RARB: variants seen among roughly 807,000 people sequenced by gnomAD.
RARB encodes HBV-activated protein.
Under a neutral mutation model 51.9 loss-of-function variants are expected in RARB, and 17 were observed. That is an observed-to-expected ratio of 0.33 (90% confidence interval 0.22 to 0.49). The LOEUF (loss-of-function observed/expected upper bound fraction) is 0.49. Ranked by LOEUF, RARB falls within the 20% of genes least tolerant of loss-of-function variation. The pLI is 0.99. For synonymous variants in RARB, 215 were observed against 195.4 expected (o/e 1.10, Z -0.84); for missense variants, 369 against 550.8 (o/e 0.67, Z 3.30).
chr3:24,916,735 C>G (rs532134498), intron 2 of RARB, among the ~76,000 whole-genome samples: 3 of 127,186 alleles, frequency 2.4e-5, no homozygotes, highest in Non-Finnish European at 4.7e-5. Context: ...TATTCTATGG[C>G]ATTGCAGTCT....
chr3:25,207,892 G>A (rs143548739), intron 5 of RARB, among the ~76,000 whole-genome samples: 2,246 of 152,308 alleles, frequency 0.015, 31 homozygotes, highest in Middle Eastern at 0.024. Flanking sequence ...TTCCAGTCCT[G>A]TAGGTTGTAC....
intron 2 of RARB, among the ~76,000 whole-genome samples, chr3:24,899,414 A>G (rs1028311424): frequency 6.6e-6 from 1 of 152,168 alleles, no homozygotes; most frequent in African/African-American, 2.4e-5. Flanking sequence ...TCCTTCAGAA[A>G]TGTACCAGGC....
intron 4 of RARB, among the ~76,000 whole-genome samples, chr3:25,573,220 A>T (rs1700779916): frequency 6.6e-6 from 1 of 151,992 alleles, no homozygotes; most frequent in East Asian, 1.9e-4. Context: ...GCTTCCTGGG[A>T]TCTCCTCCCA....
At chr3:25,345,799 G>C in intron 5 of RARB, 5 of 422,206 alleles carry the variant, frequency 1.2e-5, no homozygotes, top group Non-Finnish European at 1.6e-5. Flanking sequence ...GAGTGATTGT[G>C]CATGAAATGA....
intron 1 of RARB, among the ~76,000 whole-genome samples, chr3:25,429,925 T>G (rs142192474): frequency 6.6e-6 from 1 of 152,368 alleles, no homozygotes; most frequent in East Asian, 1.9e-4. Context: ...AATGACATTT[T>G]AAATCTTTGT....
At chr3:25,035,027 T>C (rs1697956672) in intron 2 of RARB, among the ~76,000 whole-genome samples, 1 of 152,244 alleles carries the variant, frequency 6.6e-6, no homozygotes, top group African/African-American at 2.4e-5. Flanking sequence ...ATGATATTTC[T>C]AATAAGTAAA....
At chr3:25,257,530 G>A (rs908079967) in intron 5 of RARB, among the ~76,000 whole-genome samples, 1 of 152,058 alleles carries the variant, frequency 6.6e-6, no homozygotes. Flanking sequence ...GGTGGGGCAG[G>A]TTTTGGATGA....
At chr3:24,872,834 C>A (rs1477214809) in intron 2 of RARB, among the ~76,000 whole-genome samples, 2 of 152,216 alleles carry the variant, frequency 1.3e-5, no homozygotes, top group East Asian at 3.9e-4. Context: ...GACTTCTCTA[C>A]CCTATGTAAT....
chr3:25,383,366 G>A (rs1706687488), intron 5 of RARB, among the ~76,000 whole-genome samples: 2 of 152,176 alleles, frequency 1.3e-5, no homozygotes, highest in Admixed American at 1.3e-4. Context: ...CAGCAGGGAA[G>A]CCCCTTTCTG....
intron 2 of RARB, among the ~76,000 whole-genome samples, chr3:24,988,354 A>T (rs761975622): frequency 2.6e-5 from 4 of 152,202 alleles, no homozygotes; most frequent in Non-Finnish European, 5.9e-5. Flanking sequence ...CATATTTTTA[A>T]TCATGTTTTT....
chr3:25,011,352 A>C (rs1204861885), intron 2 of RARB, among the ~76,000 whole-genome samples: 1 of 152,172 alleles, frequency 6.6e-6, no homozygotes, highest in East Asian at 1.9e-4. Flanking sequence ...ACGTGTGAAC[A>C]AAACCTGAAG....
At chr3:25,134,271 A>T (rs1312083327) in intron 4 of RARB, among the ~76,000 whole-genome samples, 1 of 151,936 alleles carries the variant, frequency 6.6e-6, no homozygotes, top group African/African-American at 2.4e-5. Flanking sequence ...TTAATGGGAA[A>T]TCTTTAGTCA....
chr3:24,867,158 T>A (rs1702865813), intron 2 of RARB, among the ~76,000 whole-genome samples: 1 of 152,170 alleles, frequency 6.6e-6, no homozygotes, highest in Non-Finnish European at 1.5e-5. Context: ...TGTTTATGTC[T>A]ACACCTTAGC....
At chr3:25,561,893 G>T (rs961215446) in intron 3 of RARB, among the ~76,000 whole-genome samples, 3 of 152,140 alleles carry the variant, frequency 2.0e-5, no homozygotes, top group Non-Finnish European at 4.4e-5. Context: ...ACAGTCTGTT[G>T]CTGGGAAATT....
chr3:25,491,382 T>G (rs1279270459), intron 2 of RARB, among the ~76,000 whole-genome samples: 1 of 152,062 alleles, frequency 6.6e-6, no homozygotes, highest in Non-Finnish European at 1.5e-5. Context: ...GGTCGTGGAA[T>G]TTCTCAGAGG....
rs148867299 is a variant in RARB at position 24,959,029 on chromosome 3, C to G, written c.-380+100277C>G. Among the ~76,000 whole-genome samples, 1,001 of 152,312 alleles carry G rather than the reference C, an allele frequency of 6.6e-3. 14 individuals are homozygous for G. The highest frequency in any genetic ancestry group is 0.023 in the African/African-American group (950 of 41,576). ...GGAGCAAAACTCAATGCAGGCCCCA[C>G]AGTAGCTTCTGGAAAGGGAGTACCA... On this transcript the variant is annotated intron_variant, in intron 2 of 11. Coordinates refer to the RARB transcript ENST00000383772.
chr3:24,904,466 C>T (rs1387108733), intron 2 of RARB, among the ~76,000 whole-genome samples: 1 of 152,130 alleles, frequency 6.6e-6, no homozygotes, highest in East Asian at 1.9e-4. Context: ...AATGAGATAC[C>T]ATCTGACACC....
At position 24,895,757 on chromosome 3, in the gene RARB, T is replaced by G. The variant is rs190535567; in HGVS notation, c.-380+37005T>G. Among the ~76,000 whole-genome samples, 98 of 152,272 alleles carry G rather than the reference T, an allele frequency of 6.4e-4. 1 individual carries two copies. In the East Asian group the frequency reaches 0.018, roughly 28 times the overall value. On this transcript the variant is annotated intron_variant, in intron 2 of 11. Transcript: ENST00000383772. ...ACGAATGTGGGGAAATAATAATCTT[T>G]GTGCATTGCTGGTAGGAATACAAAA...
chr3:25,185,825 A>G (rs971393591), intron 5 of RARB, among the ~76,000 whole-genome samples: 1 of 152,196 alleles, frequency 6.6e-6, no homozygotes, highest in Non-Finnish European at 1.5e-5. Flanking sequence ...ATAACAAATC[A>G]AAGAATTCGT....
Sources: gnomAD v4.1 joint callset for allele counts (sites outside exome capture counted in the v4.1 genomes callset) on GRCh38, gnomAD v4.1.1 for gene constraint, MANE v1.5 for transcripts, NCBI Gene and HGNC (gene_info 2026-07-23, HGNC 2026-07-21) for gene names.